Variants in SMARCA4 observed in about 807,000 individuals in gnomAD.
The protein encoded by SMARCA4 is SWI/SNF related BAF chromatin remodeling complex subunit ATPase 4.
In SMARCA4, 31 loss-of-function variants were observed where a neutral mutation model predicts 193.9. The ratio of observed to expected loss-of-function variants is 0.16; its 90% CI spans 0.12 to 0.22. The LOEUF (loss-of-function observed/expected upper bound fraction) is 0.22, where lower values mean the gene tolerates loss of function less well. Among genes scored for constraint, SMARCA4 ranks in the 10% least tolerant of loss-of-function variants. The pLI is 1.00. For synonymous variants in SMARCA4, 942 were observed against 933.1 expected (o/e 1.01, Z -0.17); for missense variants, 1,148 against 2,296.0 (o/e 0.50, Z 10.22).
chr19:10,988,901 G>T (rs2086302297), intron 6 of SMARCA4, among the ~76,000 whole-genome samples: 2 of 152,154 alleles, frequency 1.3e-5, no homozygotes, highest in Non-Finnish European at 2.9e-5. Flanking sequence ...TGTAACCTTC[G>T]TAACCTTCAG....
chr19:11,035,429 AT>A (rs1331860456), intron 29 of SMARCA4, among the ~76,000 whole-genome samples: 2 of 152,244 alleles, frequency 1.3e-5, no homozygotes, highest in African/African-American at 4.8e-5. Context: ...GTTAAAAATC[AT>A]GTTGCTGATC....
Position 10,995,015 on chromosome 19 carries a change from T to G in SMARCA4, c.1593+14T>G. The G allele has an allele frequency of 6.2e-7, 1 of 1,602,000 alleles. No individual in the cohort carries two copies. The highest frequency in any genetic ancestry group is 8.5e-7 in the Non-Finnish European group (1 of 1,173,580). On this transcript the variant is annotated intron_variant, in intron 9 of 34. Coordinates refer to ENST00000344626, the MANE Select transcript of SMARCA4 (RefSeq NM_003072.5). The stretch of plus-strand genomic sequence containing the variant: ...CGGAGGCTCATGGTATGGTCCTGCC[T>G]TCTTGACGTGCGCTCTTCTACATGT...
chr19:11,005,849 G>A (rs371249585), intron 13 of SMARCA4, among the ~76,000 whole-genome samples: 3 of 152,294 alleles, frequency 2.0e-5, no homozygotes, highest in African/African-American at 4.8e-5. Flanking sequence ...GTAGACCTTT[G>A]GTCAACTCGC....
intron 1 of SMARCA4, among the ~76,000 whole-genome samples, chr19:10,970,781 T>C (rs1263630530): frequency 1.3e-5 from 2 of 152,292 alleles, no homozygotes; most frequent in East Asian, 3.9e-4. Flanking sequence ...TTTGGAGACT[T>C]GGAGAATTAC....
intron 1 of SMARCA4, chr19:10,961,492 C>G (rs1213971392): frequency 6.6e-6 from 1 of 152,090 alleles, no homozygotes; most frequent in African/African-American, 2.4e-5. Context: ...TCGCCCGGCA[C>G]CCCTACAGTC....
intron 30 of SMARCA4, among the ~76,000 whole-genome samples, chr19:11,047,348 C>T (rs1043930303): frequency 1.3e-5 from 2 of 151,848 alleles, no homozygotes; most frequent in Admixed American, 1.3e-4. Context: ...GAAGACAGCG[C>T]TGATGTTCCC....
At chr19:11,053,531 C>T (rs770971418) in intron 30 of SMARCA4, among the ~76,000 whole-genome samples, 4 of 152,202 alleles carry the variant, frequency 2.6e-5, no homozygotes, top group East Asian at 1.9e-4. Flanking sequence ...CAAAGCCCAC[C>T]GATTTCTGCG....
In SMARCA4 at chr19:10,985,403, A is replaced by G. The variant is rs1339250127; in HGVS notation, c.353A>G (p.Gln118Arg). The G allele has an allele frequency of 2.5e-6, 4 of 1,613,674 alleles. No homozygotes were observed. The highest frequency in any genetic ancestry group is 3.4e-6 in the Non-Finnish European group (4 of 1,179,994). ...PPPSPMDQHS[Q>R]GYPSPLGGSE... Reference sequence around the variant, plus strand: ...CCCAGCCCCATGGACCAGCACTCCCAAGGTACAGAACTGCGTTCCTTCCTG... The same window carrying G: ...CCCAGCCCCATGGACCAGCACTCCCGAGGTACAGAACTGCGTTCCTTCCTG... Residue 118 changes from glutamine (Q) to arginine (R), a missense_variant and splice_region_variant, in exon 3 of 35, where the codon CAA becomes CGA. Physicochemically the swap from Gln to Arg is conservative, Grantham distance 43. This residue lies in a region of SMARCA4 where 201 missense variants were observed against 248.3 expected (regional missense o/e 0.81). Transcript: ENST00000344626. The surrounding 1 kb of genome is among the most constrained non-coding windows in gnomAD (Gnocchi z 4.5).
chr19:10,989,440 G>A lies in SMARCA4; in HGVS notation c.1242G>A (p.Arg414=), dbSNP rs1391636290. Residue 414 remains arginine, a synonymous_variant, in exon 7 of 35, where the codon AGG becomes AGA. Transcript: ENST00000344626. The part of the protein sequence containing the change: ...LKALRLLNFQ[R]QLRQEVVVCM... ...CCCTCAGGCTGCTGAACTTCCAGAG[G>A]CAGGTGGGTGCTGGCATGGCCGCAG... is the stretch of plus-strand genomic sequence containing the variant. 3.1e-6 allele frequency: 5 copies of A among 1,614,034 alleles called. No individual in the cohort carries two copies. Among genetic ancestry groups the A allele is most frequent in the Non-Finnish European group, 4.2e-6 (5 of 1,179,972 alleles).
At chr19:10,978,905 C>T (rs200431372) in intron 1 of SMARCA4, among the ~76,000 whole-genome samples, 11 of 151,980 alleles carry the variant, frequency 7.2e-5, no homozygotes, top group Non-Finnish European at 8.8e-5. Context: ...GCCGAGATCA[C>T]GCCACTGCAC....
At chr19:10,978,977 TATCTC>T (rs1376399157) in intron 1 of SMARCA4, among the ~76,000 whole-genome samples, 1 of 151,978 alleles carries the variant, frequency 6.6e-6, no homozygotes, top group Non-Finnish European at 1.5e-5. Context: ...GATAGATAGA[TATCTC>T]AATAGCCAGT....
rs1490480930 is a variant in SMARCA4 at position 11,019,197 on chromosome 19, G to A, written c.2505+174G>A. 2 of 695,434 alleles carry A rather than the reference G, an allele frequency of 2.9e-6. No individual in the cohort carries two copies. Among genetic ancestry groups the A allele is most frequent in the African/African-American group, 3.5e-5 (2 of 56,962 alleles). The allele number at this position is 695,434 out of a possible 1,614,324, so 43.1% of individuals were successfully genotyped here. On this transcript the variant is annotated intron_variant, in intron 17 of 34. Transcript: ENST00000344626. The surrounding 1 kb of genome is among the most constrained non-coding windows in gnomAD (Gnocchi z 6.1). ...ACATGGATCCGGGAGTTTGGACTGGGCAGGGACAGGGCAGATTAGCTCACT... is the reference window on the plus strand; with the variant it reads ...ACATGGATCCGGGAGTTTGGACTGGACAGGGACAGGGCAGATTAGCTCACT...
rs1228937239 is a variant in SMARCA4, at chr19:11,031,453, T to A, written c.3546+560T>A. 5.9e-6 allele frequency: 1 copy of A among 170,862 alleles called. No individual in the cohort carries two copies. The highest frequency in any genetic ancestry group is 1.5e-4 in the East Asian group (1 of 6,660). The allele number at this position is 170,862 out of a possible 1,614,324, so 10.6% of individuals were successfully genotyped here. A position where few individuals can be genotyped will look rare whatever the true frequency, so the allele number is the denominator to read the frequency against. On this transcript the variant is annotated intron_variant, in intron 25 of 34. Transcript: ENST00000344626. The surrounding 1 kb of genome is among the most constrained non-coding windows in gnomAD (Gnocchi z 4.3). ...AAGACTGATAAGTTCTTATTGTTTT[T>A]AACATGTAAACACCAGTGACAGTCA...
chr19:10,967,039 C>T (rs1183105926), intron 1 of SMARCA4, among the ~76,000 whole-genome samples: 1 of 152,186 alleles, frequency 6.6e-6, no homozygotes, highest in African/African-American at 2.4e-5. Context: ...CCTAAGGAGA[C>T]ATAGCGGACT....
chr19:11,058,770 T>C lies in SMARCA4; in HGVS notation c.4534-18T>C. 1.2e-6 allele frequency: 2 copies of C among 1,609,982 alleles called. No individual in the cohort carries two copies. Among genetic ancestry groups the C allele is most frequent in the Non-Finnish European group, 1.7e-6 (2 of 1,176,466 alleles). ...GGCGGGGTCCTGAGGTAAGACCTGC[T>C]CCTCCCGTCCACTGCAGGAGCGCAT... is the stretch of plus-strand genomic sequence containing the variant. On this transcript the variant is annotated intron_variant, in intron 31 of 34. Transcript: ENST00000344626. The surrounding 1 kb of genome is among the most constrained non-coding windows in gnomAD (Gnocchi z 5.8).
At chr19:11,015,967 T>C (rs35822574) in intron 16 of SMARCA4, 50,897 of 151,688 alleles carry the variant, frequency 0.34, 8,793 homozygotes, top group South Asian at 0.49. Context: ...GCCAATATCG[T>C]GCCATTGCAT....
chr19:11,060,484 C>T, intron 34 of SMARCA4: 1 of 510,592 alleles, frequency 2.0e-6, no homozygotes. Context: ...ACCAGGGCTC[C>T]TGGGCTGAGG....
At chr19:11,050,708 A>G (rs1568546888) in intron 30 of SMARCA4, among the ~76,000 whole-genome samples, 1 of 152,398 alleles carries the variant, frequency 6.6e-6, no homozygotes, top group East Asian at 1.9e-4. Context: ...TGAATGTTTC[A>G]GACCTGCCTG....
chr19:11,054,440 G>A (rs561725607), intron 30 of SMARCA4, among the ~76,000 whole-genome samples: 9 of 152,206 alleles, frequency 5.9e-5, no homozygotes, highest in Non-Finnish European at 1.0e-4. Flanking sequence ...AGCCAACCTC[G>A]GCCCAGGATC....
Sources: allele counts gnomAD v4.1 joint callset (sites outside exome capture counted in the v4.1 genomes callset), GRCh38; gene constraint gnomAD v4.1.1; regional missense constraint gnomAD v4.1.1; non-coding constraint Gnocchi (gnomAD v3.1); transcripts MANE v1.5; gene names NCBI Gene and HGNC (gene_info 2026-07-23, HGNC 2026-07-21).